DNM1: variants seen among roughly 807,000 people sequenced by gnomAD.
DNM1 encodes dynamin-1.
In DNM1, 29 loss-of-function variants were observed where a neutral mutation model predicts 104.6. The ratio of observed to expected loss-of-function variants is 0.28; its 90% CI spans 0.21 to 0.38. The LOEUF is 0.38. DNM1 is among the 10% of genes least tolerant of loss of function. The pLI, the probability that DNM1 is intolerant of heterozygous loss-of-function variation, is 1.00. For missense variants in DNM1, 640 were observed against 1,189.4 expected, an observed-to-expected ratio of 0.54 and a Z score of 6.79; for synonymous variants, 445 against 475.8, an observed-to-expected ratio of 0.94 and a Z score of 0.84.
chr9:128,248,801 A>G lies in DNM1; in HGVS notation c.2076+48A>G, dbSNP rs1383962574. The G allele has an allele frequency of 6.3e-7, 1 of 1,588,844 alleles. No homozygotes were observed. Among genetic ancestry groups the G allele is most frequent in the Admixed American group, 1.7e-5 (1 of 59,410 alleles). ...GCAGGGAAATCCTGTGGCACTGGGG[A>G]TGCAGGTGGCCATGTTGGCCTGGGG... On this transcript the variant is annotated intron_variant, in intron 19 of 21. Coordinates refer to ENST00000372923, the MANE Select transcript of DNM1 (RefSeq NM_004408.4). This position sits in a 1 kb window ranked among gnomAD's most constrained non-coding sequence, Gnocchi z 5.6.
In DNM1 at chr9:128,204,008, G is replaced by A. The variant is rs548190349; in HGVS notation, c.161+377G>A. 1.9e-5 allele frequency: 3 copies of A among 156,772 alleles called. No homozygotes were observed. In the East Asian group the frequency reaches 5.6e-4, roughly 29 times the overall value. The allele number at this position is 156,772 out of a possible 1,614,324, so 9.7% of individuals were successfully genotyped here. ...CGTTGGGCTCCGGGAGTCCCTTGGA[G>A]CGGGCAGCACCCGGGGGCAGCGTCC... On this transcript the variant is annotated intron_variant, in intron 1 of 21. Transcript: ENST00000372923.
chr9:128,252,729 G>A, intron 21 of DNM1: 2 of 532,296 alleles, frequency 3.8e-6, no homozygotes, highest in Non-Finnish European at 7.2e-6. Flanking sequence ...ATCTCCATGA[G>A]CAGCACGGGT....
In DNM1 at chr9:128,218,555, C is replaced by A; in HGVS notation, c.236-27C>A. ...GGGTTCCAGACCTTGATGCCTACTGCCCTTCCCCTGCCCGCTTCTGGAGCA... is the reference window on the plus strand; with the variant it reads ...GGGTTCCAGACCTTGATGCCTACTGACCTTCCCCTGCCCGCTTCTGGAGCA... On this transcript the variant is annotated intron_variant, in intron 2 of 21. Coordinates refer to ENST00000372923, the MANE Select transcript of DNM1 (RefSeq NM_004408.4). The surrounding 1 kb of genome is among the most constrained non-coding windows in gnomAD (Gnocchi z 4.8). The A allele has an allele frequency of 6.3e-7, 1 of 1,597,938 alleles. No individual in the cohort carries two copies. Among genetic ancestry groups the A allele is most frequent in the Non-Finnish European group, 8.6e-7 (1 of 1,168,768 alleles).
intron 11 of DNM1, among the ~76,000 whole-genome samples, chr9:128,235,983 G>C (rs1214358077): frequency 6.6e-6 from 1 of 152,132 alleles, no homozygotes; most frequent in Non-Finnish European, 1.5e-5. Context: ...AAAATGCTGA[G>C]ATTACGAGCA....
In DNM1 at chr9:128,228,502, G is replaced by A. The variant is rs549956047; in HGVS notation, c.1335+4113G>A. Among the ~76,000 whole-genome samples the A allele has an allele frequency of 2.0e-5, 3 of 152,282 alleles. No homozygotes were observed. The East Asian group carries it at 5.8e-4, about 29-fold the overall frequency. ...TGGCTTCTTGATGGACATTTGGGTT[G>A]TTTCCAAATTTTACCATAATCACTG... On this transcript the variant is annotated intron_variant, in intron 10 of 21. Transcript: ENST00000372923.
At chr9:128,230,447 A>T (rs1004542575) in intron 10 of DNM1, among the ~76,000 whole-genome samples, 2 of 134,194 alleles carry the variant, frequency 1.5e-5, no homozygotes, top group East Asian at 4.5e-4. Context: ...ATTTATTTTT[A>T]TTATTACTAT....
chr9:128,224,241 G>A lies in DNM1; in HGVS notation c.1197-10G>A. ...TGACACTCTGCCCTTCTCCCGCTCC[G>A]GGCGTTCAGAACGGGGCTGTTTACC... On this transcript the variant is annotated splice_polypyrimidine_tract_variant and intron_variant, in intron 9 of 21. Transcript: ENST00000372923. This position sits in a 1 kb window ranked among gnomAD's most constrained non-coding sequence, Gnocchi z 4.3. 1 of 1,612,234 alleles carries A rather than the reference G, an allele frequency of 6.2e-7. No homozygotes were observed. The highest frequency in any genetic ancestry group is 8.5e-7 in the Non-Finnish European group (1 of 1,179,082).
intron 21 of DNM1, chr9:128,251,178 T>C: frequency 1.5e-6 from 1 of 677,590 alleles, no homozygotes; most frequent in Non-Finnish European, 2.7e-6. Flanking sequence ...GTGGGGCTCG[T>C]CCCACCTGCC....
chr9:128,235,976 A>G (rs1354644169), intron 11 of DNM1, among the ~76,000 whole-genome samples: 1 of 151,982 alleles, frequency 6.6e-6, no homozygotes, highest in Non-Finnish European at 1.5e-5. Flanking sequence ...GCCTCCCAAA[A>G]TGCTGAGATT....
intron 10 of DNM1, among the ~76,000 whole-genome samples, chr9:128,229,455 G>A (rs890977151): frequency 1.3e-5 from 2 of 151,934 alleles, no homozygotes; most frequent in Non-Finnish European, 2.9e-5. Flanking sequence ...AGATTAGCTG[G>A]GCATGATGGC....
Position 128,219,074 on chromosome 9 carries a change from G to T in DNM1, c.411G>T (p.Leu137=), listed in dbSNP as rs1051766292. 4.3e-6 allele frequency: 7 copies of T among 1,614,042 alleles called. No homozygotes were observed. Among genetic ancestry groups the T allele is most frequent in the Non-Finnish European group, 5.1e-6 (6 of 1,180,048 alleles). Residue 137 remains leucine (L), a synonymous_variant, in exon 4 of 22, where the codon CTG becomes CTT. Coordinates refer to ENST00000372923, the MANE Select transcript of DNM1 (RefSeq NM_004408.4). ...PHVLNLTLVD[L]PGMTKVPVGD... is the part of the protein sequence containing the mutation. ...TGCTGAACCTGACCCTGGTGGACCT[G>T]CCCGGAATGACCAAGGTCCCGGTGG... is the stretch of plus-strand genomic sequence containing the variant.
rs779719063 is a variant in DNM1 at position 128,224,404 on chromosome 9, C to A, written c.1335+15C>A. The A allele has an allele frequency of 6.9e-6, 11 of 1,602,356 alleles. No homozygotes were observed. The highest frequency in any genetic ancestry group is 9.4e-6 in the Non-Finnish European group (11 of 1,172,652). The stretch of plus-strand genomic sequence containing the variant: ...GCACCAAGAAGGTAACCCGGAGGCC[C>A]GGGCCAGCCCCCACCGCCTCTGCCC... On this transcript the variant is annotated intron_variant, in intron 10 of 21. Transcript: ENST00000372923. The surrounding 1 kb of genome is among the most constrained non-coding windows in gnomAD (Gnocchi z 4.3).
rs1018830112 is a variant in DNM1, at chr9:128,203,423, G to C, written c.-48G>C. 7.1e-7 allele frequency: 1 copy of C among 1,403,444 alleles called. No individual in the cohort carries two copies. The highest frequency in any genetic ancestry group is 9.3e-7 in the Non-Finnish European group (1 of 1,075,826). The allele number at this position is 1,403,444 out of a possible 1,614,324, so 86.9% of individuals were successfully genotyped here. A position where few individuals can be genotyped will look rare whatever the true frequency, so the allele number is the denominator to read the frequency against. ...AGCGGCGGAGCCGGAGTCGGAGCCGGGAGCGCTAGCGGCAGCCGGATCGCA... is the reference window on the plus strand; with the variant it reads ...AGCGGCGGAGCCGGAGTCGGAGCCGCGAGCGCTAGCGGCAGCCGGATCGCA... On this transcript the variant is annotated 5_prime_UTR_variant, in exon 1 of 22. Coordinates refer to ENST00000372923, the MANE Select transcript of DNM1 (RefSeq NM_004408.4). The surrounding 1 kb of genome is among the most constrained non-coding windows in gnomAD (Gnocchi z 5.3).
At chr9:128,238,797 A>C in intron 11 of DNM1, among the ~76,000 whole-genome samples, 1 of 151,676 alleles carries the variant, frequency 6.6e-6, no homozygotes. Context: ...CTGGGACTAC[A>C]GGAGCCCGCC....
rs1829645081 is a variant in DNM1 at position 128,253,299 on chromosome 9, T to C, written c.2535-1355T>C. 13 of 671,416 alleles carry C rather than the reference T, an allele frequency of 1.9e-5. No homozygotes were observed. The South Asian group carries it at 2.3e-4, about 12-fold the overall frequency. 41.6% of individuals were successfully genotyped at this position (671,416 alleles called of 1,614,324 possible). A position where few individuals can be genotyped will look rare whatever the true frequency, so the allele number is the denominator to read the frequency against. ...CTCTTTCTGTCCTTGTGCCGCTGGC[T>C]CTCTCACCTCCCTTCCCTGCGAGCC... On this transcript the variant is annotated intron_variant, in intron 21 of 21. Coordinates refer to ENST00000372923, the MANE Select transcript of DNM1 (RefSeq NM_004408.4). The surrounding 1 kb of genome is among the most constrained non-coding windows in gnomAD (Gnocchi z 5.9).
intron 1 of DNM1, among the ~76,000 whole-genome samples, chr9:128,207,357 C>T (rs2131092782): frequency 6.6e-6 from 1 of 152,110 alleles, no homozygotes; most frequent in South Asian, 2.1e-4. Context: ...ATGAGCTCAT[C>T]CTGGGGGTAA....
intron 6 of DNM1, chr9:128,221,019 C>A (rs1834980999): frequency 7.0e-6 from 1 of 142,250 alleles, no homozygotes; most frequent in African/African-American, 2.7e-5. Context: ...TCCTTCCTTT[C>A]TTTCTCTTTC....
rs1237541185 is a variant in DNM1 at position 128,218,992 on chromosome 9, ACCTCGCCCGCGGCCACGCC to A, written c.386-49_386-31del. The A allele has an allele frequency of 6.3e-7, 1 of 1,592,254 alleles. No homozygotes were observed. Among genetic ancestry groups the A allele is most frequent in the African/African-American group, 1.3e-5 (1 of 74,194 alleles). On this transcript the variant is annotated intron_variant, in intron 3 of 21. Coordinates refer to ENST00000372923, the MANE Select transcript of DNM1 (RefSeq NM_004408.4). The surrounding 1 kb of genome is among the most constrained non-coding windows in gnomAD (Gnocchi z 4.8). ...TTCTCTAACCCCGCCCTATTCTTTAACCTCGCCCGCGGCCACGCCCCTCGCCTTGAGCCCGCCCTCTCGC... is the reference window on the plus strand; with the variant it reads ...TTCTCTAACCCCGCCCTATTCTTTAACCTCGCCTTGAGCCCGCCCTCTCGC...
intron 1 of DNM1, among the ~76,000 whole-genome samples, chr9:128,208,703 G>A (rs1301126121): frequency 6.6e-6 from 1 of 151,052 alleles, no homozygotes; most frequent in Non-Finnish European, 1.5e-5. Flanking sequence ...GGAGGCTTGC[G>A]GCTGATCGGG....
Sources: gnomAD v4.1 joint callset for allele counts (sites outside exome capture counted in the v4.1 genomes callset) on GRCh38, gnomAD v4.1.1 for gene constraint, Gnocchi (gnomAD v3.1) non-coding constraint, MANE v1.5 for transcripts, NCBI Gene and HGNC (gene_info 2026-07-23, HGNC 2026-07-21) for gene names.